PLXNA4: variants seen among roughly 807,000 people sequenced by gnomAD.
PLXNA4 encodes plexin-A4.
In PLXNA4, 44 loss-of-function variants were observed where a neutral mutation model predicts 191.8. The observed-to-expected ratio is 0.23, with a 90% CI of 0.18 to 0.29. The LOEUF (loss-of-function observed/expected upper bound fraction) is 0.29. Ranked by LOEUF, PLXNA4 falls within the 10% of genes least tolerant of loss-of-function variation. PLXNA4 has a pLI of 1.00. For missense variants in PLXNA4, 1,800 were observed against 2,488.8 expected, an observed-to-expected ratio of 0.72 and a Z score of 5.89; for synonymous variants, 1,082 against 1,009.5, an observed-to-expected ratio of 1.07 and a Z score of -1.36.
chr7:132,647,830 TAC>T (rs1803909893), intron 1 of PLXNA4, among the ~76,000 whole-genome samples: 3 of 150,122 alleles, frequency 2.0e-5, no homozygotes, highest in South Asian at 4.2e-4. Flanking sequence ...ACTCAAAATA[TAC>T]ACTCATAAAC....
At chr7:132,478,735 G>A (rs980251650) in intron 3 of PLXNA4, among the ~76,000 whole-genome samples, 2 of 152,124 alleles carry the variant, frequency 1.3e-5, no homozygotes, top group Non-Finnish European at 2.9e-5. Context: ...TTTAAGTTTT[G>A]GATGCAATGA....
chr7:132,228,261 A>T (rs1163906162), intron 6 of PLXNA4, 85 bp downstream of exon 6: 1 of 1,568,456 alleles, frequency 6.4e-7, no homozygotes, highest in African/African-American at 1.4e-5. Flanking sequence ...AGTCCTCCAG[A>T]GGGGCCTTGG....
intron 3 of PLXNA4, among the ~76,000 whole-genome samples, chr7:132,467,365 G>T (rs565018176): frequency 1.3e-5 from 2 of 152,322 alleles, no homozygotes; most frequent in African/African-American, 4.8e-5. Flanking sequence ...TTCCGCCTGA[G>T]ACCGTGGGCC....
intron 2 of PLXNA4, among the ~76,000 whole-genome samples, chr7:132,601,192 A>T (rs1043847908): frequency 6.6e-6 from 1 of 152,140 alleles, no homozygotes; most frequent in East Asian, 1.9e-4. Flanking sequence ...ATATTGAGGG[A>T]ATTTTTCCTG....
intron 4 of PLXNA4, among the ~76,000 whole-genome samples, chr7:132,259,536 G>T (rs1205657527): frequency 2.0e-5 from 3 of 150,658 alleles, no homozygotes; most frequent in African/African-American, 7.3e-5. Context: ...AAACCTCCAG[G>T]GCTCGGTACC....
intron 3 of PLXNA4, among the ~76,000 whole-genome samples, chr7:132,426,276 A>G (rs1445152961): frequency 6.6e-6 from 1 of 152,208 alleles, no homozygotes; most frequent in Non-Finnish European, 1.5e-5. Flanking sequence ...GACCCAGTAG[A>G]GCGGCTAAGG....
Position 132,308,356 on chromosome 7 carries a change from G to T in PLXNA4, c.1372-10134C>A, listed in dbSNP as rs182454013. On this transcript the variant is annotated intron_variant, in intron 3 of 31. Transcript: ENST00000321063. ...TGGATAGCCTGCATCCTAAAATCTT[G>T]GTTGGCCATTTCCCATGTGCCTCTG... Among the ~76,000 whole-genome samples, 135 of 152,242 alleles carry T rather than the reference G, an allele frequency of 8.9e-4. 3 individuals are homozygous for T. The East Asian group carries it at 0.02, about 23-fold the overall frequency.
chr7:132,640,210 C>CG (rs1803711815), intron 2 of PLXNA4, among the ~76,000 whole-genome samples: 1 of 152,198 alleles, frequency 6.6e-6, no homozygotes, highest in Non-Finnish European at 1.5e-5. Context: ...TGCCAGACCA[C>CG]GTGCTGGGTG....
chr7:132,355,001 C>T (rs1204177324), intron 3 of PLXNA4, among the ~76,000 whole-genome samples: 2 of 152,170 alleles, frequency 1.3e-5, no homozygotes, highest in South Asian at 2.1e-4. Context: ...AAACTCTCCA[C>T]GATGGGAGGT....
chr7:132,414,273 C>T (rs1794574139), intron 3 of PLXNA4, among the ~76,000 whole-genome samples: 1 of 152,160 alleles, frequency 6.6e-6, no homozygotes, highest in African/African-American at 2.4e-5. Flanking sequence ...GCTGTGCCTT[C>T]CAGGTCCTGG....
chr7:132,250,313 A>G (rs1157356610), intron 4 of PLXNA4, among the ~76,000 whole-genome samples: 1 of 152,212 alleles, frequency 6.6e-6, no homozygotes, highest in Non-Finnish European at 1.5e-5. Context: ...CCTAGTACTC[A>G]GCTCATGCGC....
chr7:132,153,842 T>C (rs1341311967), intron 25 of PLXNA4, among the ~76,000 whole-genome samples: 2 of 152,178 alleles, frequency 1.3e-5, no homozygotes, highest in Non-Finnish European at 2.9e-5. Context: ...TACACACACA[T>C]GTGCACATGC....
chr7:132,300,452 T>C (rs1263824926), intron 3 of PLXNA4, among the ~76,000 whole-genome samples: 1 of 152,206 alleles, frequency 6.6e-6, no homozygotes, highest in Admixed American at 6.5e-5. Flanking sequence ...AATAAATTAA[T>C]GAATGTAGTT....
intron 29 of PLXNA4, 72 bp from the exon 30 acceptor site, chr7:132,140,883 T>C (rs971482397): frequency 8.8e-5 from 138 of 1,575,190 alleles, no homozygotes; most frequent in Middle Eastern, 1.8e-4. Context: ...AGGAGGGGTC[T>C]CTGGAGAAGG....
At chr7:132,142,751 C>T (rs1795306641) in intron 29 of PLXNA4, among the ~76,000 whole-genome samples, 1 of 152,218 alleles carries the variant, frequency 6.6e-6, no homozygotes, top group Non-Finnish European at 1.5e-5. Flanking sequence ...AGCTGCCCAG[C>T]CTTCCTGACA....
intron 4 of PLXNA4, among the ~76,000 whole-genome samples, chr7:132,287,460 C>T (rs889699203): frequency 6.6e-6 from 1 of 152,180 alleles, no homozygotes; most frequent in Non-Finnish European, 1.5e-5. Context: ...TAATTTTCTA[C>T]ATAAAAAACC....
At chr7:132,623,638 G>A (rs1803315378) in intron 2 of PLXNA4, among the ~76,000 whole-genome samples, 2 of 152,280 alleles carry the variant, frequency 1.3e-5, no homozygotes, top group South Asian at 2.1e-4. Context: ...ACAAGGAGAG[G>A]AGGACCTAGA....
intron 3 of PLXNA4, among the ~76,000 whole-genome samples, chr7:132,392,657 C>A (rs1225628337): frequency 6.6e-6 from 1 of 152,246 alleles, no homozygotes; most frequent in African/African-American, 2.4e-5. Context: ...TCGCGCATTG[C>A]TGTATGCCCT....
At chr7:132,595,466 G>T (rs56698816) in intron 2 of PLXNA4, among the ~76,000 whole-genome samples, 16 of 152,202 alleles carry the variant, frequency 1.1e-4, no homozygotes, top group Admixed American at 3.3e-4. Context: ...AATTCTGTGC[G>T]CATAAGTTTT....
Sources: gnomAD v4.1 joint callset for allele counts (sites outside exome capture counted in the v4.1 genomes callset) on GRCh38, gnomAD v4.1.1 for gene constraint, MANE v1.5 for transcripts, NCBI Gene and HGNC (gene_info 2026-07-23, HGNC 2026-07-21) for gene names.